The following RGS6 variants were observed in gnomAD, a reference collection of about 807,000 sequenced individuals.
RGS6 encodes the protein regulator of G-protein signaling 6.
RGS6 carries 30 observed loss-of-function variants against 78.5 expected under a neutral mutation model. That is an observed-to-expected ratio of 0.38 (90% confidence interval 0.29 to 0.52). The LOEUF (loss-of-function observed/expected upper bound fraction) is 0.52, where lower values mean the gene tolerates loss of function less well. Ranked by LOEUF, RGS6 falls within the 20% of genes least tolerant of loss-of-function variation. The pLI is 0.85. For missense variants in RGS6, 495 were observed against 609.7 expected (o/e 0.81, Z 1.98); for synonymous variants, 206 against 206.0 (o/e 1.00, Z 0.00).
At chr14:72,391,757 C>T (rs2090041770) in intron 3 of RGS6, among the ~76,000 whole-genome samples, 1 of 152,176 alleles carries the variant, frequency 6.6e-6, no homozygotes, top group Non-Finnish European at 1.5e-5. Context: ...TAGGCCTCCA[C>T]CCCCTGACAG....
At chr14:72,289,209 C>A (rs767440927) in intron 2 of RGS6, among the ~76,000 whole-genome samples, 1 of 152,174 alleles carries the variant, frequency 6.6e-6, no homozygotes, top group African/African-American at 2.4e-5. Flanking sequence ...TGGTTACTTA[C>A]TGAAAAGTGG....
At chr14:72,238,289 G>A (rs1449465587) in intron 2 of RGS6, among the ~76,000 whole-genome samples, 1 of 152,118 alleles carries the variant, frequency 6.6e-6, no homozygotes, top group Admixed American at 6.5e-5. Flanking sequence ...GGAGCGGGTA[G>A]GCCAAAAAGG....
chr14:72,439,427 T>C (rs2095090233), intron 3 of RGS6, among the ~76,000 whole-genome samples: 1 of 152,260 alleles, frequency 6.6e-6, no homozygotes, highest in Non-Finnish European at 1.5e-5. Context: ...CGAGAGGTGA[T>C]GCGTGTGAGG....
intron 2 of RGS6, among the ~76,000 whole-genome samples, chr14:72,031,047 G>A (rs1454047522): frequency 2.0e-5 from 3 of 151,134 alleles, no homozygotes; most frequent in Non-Finnish European, 4.4e-5. Context: ...CTCTTAGGTT[G>A]TAGTTGTGGG....
At chr14:72,468,314 G>A (rs1216558168) in intron 7 of RGS6, among the ~76,000 whole-genome samples, 1 of 151,916 alleles carries the variant, frequency 6.6e-6, no homozygotes, top group Non-Finnish European at 1.5e-5. Flanking sequence ...GGGAGGCGGA[G>A]GTTGTGAGCC....
chr14:71,976,357 C>T (rs1405256445), intron 2 of RGS6, among the ~76,000 whole-genome samples: 1 of 150,770 alleles, frequency 6.6e-6, no homozygotes. Flanking sequence ...GTGCGCTGCA[C>T]CCACTAACTC....
At chr14:72,567,921 G>A (rs571685144), downstream of RGS6, among the ~76,000 whole-genome samples, 5 of 152,346 alleles carry the variant, frequency 3.3e-5, no homozygotes, top group Admixed American at 1.3e-4. Context: ...GCCCTTCAGC[G>A]CCCACAATGG....
the RGS6 span, among the ~76,000 whole-genome samples, chr14:72,603,259 A>T: frequency 6.6e-6 from 1 of 152,362 alleles, no homozygotes; most frequent in African/African-American, 2.4e-5. Flanking sequence ...TTAATAATGC[A>T]GCAAGACTTG....
intron 15 of RGS6, among the ~76,000 whole-genome samples, chr14:72,533,148 T>C (rs1172780919): frequency 6.6e-6 from 1 of 152,210 alleles, no homozygotes; most frequent in Non-Finnish European, 1.5e-5. Context: ...TATAAGTCGA[T>C]GCCAATGCTC....
At chr14:72,437,234 G>T (rs11623104) in intron 3 of RGS6, among the ~76,000 whole-genome samples, 10 of 147,314 alleles carry the variant, frequency 6.8e-5, no homozygotes, top group East Asian at 4.0e-4. Flanking sequence ...CCATCTACTC[G>T]GGAGGCTGAG....
downstream of RGS6, among the ~76,000 whole-genome samples, chr14:72,570,370 T>C (rs2097718907): frequency 6.6e-6 from 1 of 152,124 alleles, no homozygotes; most frequent in Non-Finnish European, 1.5e-5. Context: ...TAATGAATAT[T>C]GAGGGACAAC....
At chr14:71,911,472 A>T in the RGS6 span, among the ~76,000 whole-genome samples, 1 of 152,226 alleles carries the variant, frequency 6.6e-6, no homozygotes, top group African/African-American at 2.4e-5. Context: ...TATGTCAGAA[A>T]TATTACACAG....
chr14:72,022,381 T>A (rs2088832349), intron 2 of RGS6: 2 of 152,274 alleles, frequency 1.3e-5, no homozygotes, highest in African/African-American at 4.8e-5. Context: ...TTGAACTAAT[T>A]TGTTTTTCTT....
intron 2 of RGS6, among the ~76,000 whole-genome samples, chr14:72,052,999 C>T (rs1388365888): frequency 3.0e-4 from 30 of 100,036 alleles, no homozygotes; most frequent in East Asian, 5.8e-4. Context: ...CTCTCTCTCT[C>T]TCTCTCTTTC....
intron 2 of RGS6, among the ~76,000 whole-genome samples, chr14:72,101,217 C>T (rs1024006945): frequency 6.6e-6 from 1 of 152,170 alleles, no homozygotes; most frequent in Non-Finnish European, 1.5e-5. Context: ...CACAGATATT[C>T]TAATTTGTGG....
At chr14:72,044,988 A>G (rs1044636935) in intron 2 of RGS6, among the ~76,000 whole-genome samples, 1 of 152,188 alleles carries the variant, frequency 6.6e-6, no homozygotes, top group Admixed American at 6.5e-5. Flanking sequence ...TCAGCCTTGG[A>G]CTGAGAGTTA....
chr14:71,913,118 C>T, the RGS6 span, among the ~76,000 whole-genome samples: 2 of 152,178 alleles, frequency 1.3e-5, no homozygotes, highest in African/African-American at 2.4e-5. Flanking sequence ...TGAGCCACCG[C>T]GCCTGGCCTA....
chr14:72,162,541 G>A (rs1015527660), intron 2 of RGS6, among the ~76,000 whole-genome samples: 2 of 152,154 alleles, frequency 1.3e-5, no homozygotes, highest in Non-Finnish European at 2.9e-5. Flanking sequence ...TAGGATGGGA[G>A]TGGGGCCAGG....
At chr14:72,280,160 C>T (rs1479490705) in intron 2 of RGS6, among the ~76,000 whole-genome samples, 2 of 150,864 alleles carry the variant, frequency 1.3e-5, no homozygotes, top group African/African-American at 2.4e-5. Flanking sequence ...GGTTTTCTTT[C>T]GAAAAAGGAA....
Sources: gnomAD v4.1 joint callset for allele counts (sites outside exome capture counted in the v4.1 genomes callset) on GRCh38, gnomAD v4.1.1 for gene constraint, MANE v1.5 for transcripts, NCBI Gene and HGNC (gene_info 2026-07-23, HGNC 2026-07-21) for gene names.